The following TTC34 variants were observed in gnomAD, a reference collection of about 807,000 sequenced individuals.
The protein encoded by TTC34 is tetratricopeptide repeat protein 34.
A neutral mutation model predicts 40.7 loss-of-function variants in TTC34; 44 were observed. That is an observed-to-expected ratio of 1.08 (90% confidence interval 0.85 to 1.39). The LOEUF (loss-of-function observed/expected upper bound fraction) is 1.39, where lower values mean the gene tolerates loss of function less well. TTC34 is among the 40% of genes most tolerant of loss of function. The pLI is 0.00. For synonymous variants in TTC34, 422 were observed against 398.6 expected (o/e 1.06, Z -0.70); for missense variants, 884 against 838.0 (o/e 1.05, Z -0.68).
chr1:2,688,362 AC>A (rs1334327967), intron 6 of TTC34, among the ~76,000 whole-genome samples: 1 of 140,176 alleles, frequency 7.1e-6, no homozygotes. Flanking sequence ...CTGGAGCAGC[AC>A]CCACACGCCC....
At position 2,673,371 on chromosome 1, in the gene TTC34, T is replaced by C. The variant is rs1490440716; in HGVS notation, c.2227-27808A>G. ...GAACCCACGGCCACAGGCGAGCATC[T>C]GAGGGCCTGGGTCGGCACCCACACC... On this transcript the variant is annotated intron_variant, in intron 6 of 8. Transcript: ENST00000401095. 4.5e-5 allele frequency among the ~76,000 whole-genome samples: 3 copies of C among 67,228 alleles called. 1 individual carries two copies. Among genetic ancestry groups the C allele is most frequent in the Non-Finnish European group, 3.4e-5 (1 of 29,790 alleles). The allele number at this position is 67,228 out of a possible 152,430, so 44.1% of individuals were successfully genotyped here. A position where few individuals can be genotyped will look rare whatever the true frequency, so the allele number is the denominator to read the frequency against.
chr1:2,788,055 C>A (rs1643614897), intron 3 of TTC34, among the ~76,000 whole-genome samples: 1 of 152,214 alleles, frequency 6.6e-6, no homozygotes, highest in Admixed American at 6.5e-5. Context: ...ATAGGCAGAA[C>A]AAGAAAACAC....
intron 6 of TTC34, among the ~76,000 whole-genome samples, chr1:2,651,062 G>C (rs1639120165): frequency 7.0e-6 from 1 of 141,896 alleles, no homozygotes; most frequent in Non-Finnish European, 1.5e-5. Context: ...AGAACGGTAT[G>C]TCACACCCCC....
chr1:2,687,665 C>G (rs1570818504), intron 6 of TTC34, among the ~76,000 whole-genome samples: 1 of 151,670 alleles, frequency 6.6e-6, no homozygotes, highest in East Asian at 1.9e-4. Flanking sequence ...GAGCATCTGA[C>G]AGGCTGGAGC....
chr1:2,687,758 A>C (rs1317825946), intron 6 of TTC34, among the ~76,000 whole-genome samples: 43 of 113,646 alleles, frequency 3.8e-4, no homozygotes, highest in African/African-American at 9.1e-4. Context: ...CCTGGAGCAG[A>C]ACCCACACCC....
intron 6 of TTC34, among the ~76,000 whole-genome samples, chr1:2,685,796 C>G (rs972135004): frequency 2.0e-5 from 3 of 150,638 alleles, no homozygotes; most frequent in African/African-American, 7.4e-5. Context: ...ACAGAACCCA[C>G]ACCCCCAGGT....
In TTC34 at chr1:2,687,367, C is replaced by A. The variant is rs77463987; in HGVS notation, c.2227-41804G>T. Among the ~76,000 whole-genome samples, 54 of 148,774 alleles carry A rather than the reference C, an allele frequency of 3.6e-4. 2 individuals are homozygous for A. The highest frequency in any genetic ancestry group is 1.7e-3 in the South Asian group (8 of 4,736). On this transcript the variant is annotated intron_variant, in intron 6 of 8. Coordinates refer to ENST00000401095, the Ensembl canonical transcript of TTC34. Reference sequence around the variant, plus strand: ...GACAGCCTGGAGCAGCACCCCCACCCCCAGGCGAGCATCTGACAGCCTGGA... The same window carrying A: ...GACAGCCTGGAGCAGCACCCCCACCACCAGGCGAGCATCTGACAGCCTGGA...
rs1040625749 is a variant in TTC34, at chr1:2,785,808, G to A, written c.2059+11C>T. On this transcript the variant is annotated intron_variant, in intron 5 of 8. Transcript: ENST00000401095. Reference sequence around the variant, plus strand: ...AAGACTGGGCCCTGGGGGCAGGTGGGCAGCTCCTACCTGCGGCAAAGATGG... The same window carrying A: ...AAGACTGGGCCCTGGGGGCAGGTGGACAGCTCCTACCTGCGGCAAAGATGG... 5 of 1,542,490 alleles carry A rather than the reference G, an allele frequency of 3.2e-6. No homozygotes were observed. Among genetic ancestry groups the A allele is most frequent in the Middle Eastern group, 2.0e-4 (1 of 5,128 alleles).
At chr1:2,777,659 C>A (rs1252206899) in intron 6 of TTC34, among the ~76,000 whole-genome samples, 1 of 151,018 alleles carries the variant, frequency 6.6e-6, no homozygotes, top group Admixed American at 6.6e-5. Context: ...TGTGCCATGC[C>A]TCCTCTCAGG....
At chr1:2,759,659 GCCT>G (rs1641627509) in intron 6 of TTC34, among the ~76,000 whole-genome samples, 1 of 150,254 alleles carries the variant, frequency 6.7e-6, no homozygotes, top group Non-Finnish European at 1.5e-5. Context: ...GCATTCGACA[GCCT>G]GGAGCAGCAC....
At chr1:2,677,473 C>CGT (rs1639948466) in intron 6 of TTC34, among the ~76,000 whole-genome samples, 2 of 22,536 alleles carry the variant, frequency 8.9e-5, no homozygotes, top group South Asian at 1.6e-3. Context: ...TCTGAACACA[C>CGT]GGAGCAGCAC....
At chr1:2,773,025 C>G (rs868562074) in intron 6 of TTC34, among the ~76,000 whole-genome samples, 1 of 33,618 alleles carries the variant, frequency 3.0e-5, no homozygotes, top group South Asian at 8.3e-4. Context: ...CACCCCCAGG[C>G]GAGCATCTGA....
rs1468016025 is a variant in TTC34, at chr1:2,692,150, G to C, written c.2227-46587C>G. ...GCCTGGGTCGGCACCCACAACCCCA[G>C]GCGAGCATCTGACGGCCTGGAACAG... On this transcript the variant is annotated intron_variant, in intron 6 of 8. Coordinates refer to ENST00000401095, the Ensembl canonical transcript of TTC34. Among the ~76,000 whole-genome samples the C allele has an allele frequency of 2.3e-5, 2 of 86,906 alleles. 1 individual carries two copies. The highest frequency in any genetic ancestry group is 6.1e-4 in the East Asian group (2 of 3,286). 57.0% of individuals were successfully genotyped at this position (86,906 alleles called of 152,430 possible). A position where few individuals can be genotyped will look rare whatever the true frequency, so the allele number is the denominator to read the frequency against.
intron 6 of TTC34, among the ~76,000 whole-genome samples, chr1:2,751,445 A>T (rs1213895753): frequency 0.041 from 1,347 of 32,472 alleles, 1 homozygote; most frequent in Admixed American, 0.085. Context: ...CAGAGCCCAG[A>T]CCCCCAGGTG....
chr1:2,790,247 C>G (rs961939269), exon 3 of TTC34: 2 of 398,318 alleles, frequency 5.0e-6, no homozygotes, highest in Non-Finnish European at 8.9e-6. Context: ...GGGGCTCTCG[C>G]GGAAGGCCTC....
In TTC34 at chr1:2,645,573, G is replaced by T; in HGVS notation, c.2227-10C>A. ...TGTCGTCCACGGCTTCCTGCAAGGAGGGAGGGCGGGCGGGTGCAGAGTTGT... is the reference window on the plus strand; with the variant it reads ...TGTCGTCCACGGCTTCCTGCAAGGATGGAGGGCGGGCGGGTGCAGAGTTGT... On this transcript the variant is annotated splice_polypyrimidine_tract_variant and intron_variant, in intron 6 of 8. Transcript: ENST00000401095. This position sits in a 1 kb window ranked among gnomAD's most constrained non-coding sequence, Gnocchi z 4.7. 3 of 1,439,136 alleles carry T rather than the reference G, an allele frequency of 2.1e-6. No individual in the cohort carries two copies. The highest frequency in any genetic ancestry group is 2.7e-6 in the Non-Finnish European group (3 of 1,097,694). The allele number at this position is 1,439,136 out of a possible 1,614,324, so 89.1% of individuals were successfully genotyped here.
intron 6 of TTC34, among the ~76,000 whole-genome samples, chr1:2,756,882 T>A (rs1641524634): frequency 3.0e-3 from 408 of 134,796 alleles, no homozygotes; most frequent in South Asian, 5.9e-3. Context: ...GGTGAGCATC[T>A]GATGGTCTGG....
exon 9 of TTC34, chr1:2,639,651 G>A (rs1236495268): frequency 6.6e-6 from 1 of 152,458 alleles, no homozygotes; most frequent in Non-Finnish European, 1.5e-5. Flanking sequence ...GAGCTGGCAG[G>A]CGGAAGATGG....
chr1:2,681,658 T>C (rs547374894), intron 6 of TTC34, among the ~76,000 whole-genome samples: 1,281 of 18,738 alleles, frequency 0.068, no homozygotes, highest in Middle Eastern at 0.083. Context: ...TGGAGCAGCA[T>C]CCACACCCCC....
Sources: gnomAD v4.1 joint callset for allele counts (sites outside exome capture counted in the v4.1 genomes callset) on GRCh38, gnomAD v4.1.1 for gene constraint, Gnocchi (gnomAD v3.1) non-coding constraint, MANE v1.5 for transcripts, NCBI Gene and HGNC (gene_info 2026-07-23, HGNC 2026-07-21) for gene names.